WNK3: variants seen among roughly 807,000 people sequenced by gnomAD.
The protein encoded by WNK3 is serine/threonine-protein kinase WNK3.
A neutral mutation model predicts 116.7 loss-of-function variants in WNK3; 18 were observed. That is an observed-to-expected ratio of 0.15 (90% CI 0.11 to 0.23). The LOEUF is 0.23. Among genes scored for constraint, WNK3 ranks in the 10% least tolerant of loss-of-function variants. WNK3 has a pLI of 1.00. For synonymous variants in WNK3, 404 were observed against 469.4 expected (o/e 0.86, Z 1.80); for missense variants, 993 against 1,323.8 (o/e 0.75, Z 3.88).
chrX:54,207,091 T>TAA (rs782714833), intron 22 of WNK3, among the ~76,000 whole-genome samples: 1 of 97,243 alleles, frequency 1.0e-5, no homozygotes, highest in African/African-American at 3.7e-5. Context: ...AAATGCTGCT[T>TAA]AAAAAAAAAA....
intron 5 of WNK3, among the ~76,000 whole-genome samples, chrX:54,304,827 T>C (rs1557168278): frequency 9.0e-6 from 1 of 111,124 alleles, no homozygotes; most frequent in Non-Finnish European, 1.9e-5. Context: ...AGTTTACAAT[T>C]AAATAAATTA....
chrX:54,259,681 C>T (rs2068235942), intron 10 of WNK3, among the ~76,000 whole-genome samples: 1 of 111,399 alleles, frequency 9.0e-6, no homozygotes, highest in Non-Finnish European at 1.9e-5. Flanking sequence ...AGAGGTACTA[C>T]CATTCTACAA....
In WNK3 at chrX:54,304,919, CCGAGGTCAGGAGTTTG is replaced by C. The variant is rs1397542418; in HGVS notation, c.1089+2987_1089+3002del. 2.7e-5 allele frequency among the ~76,000 whole-genome samples: 3 copies of C among 110,848 alleles called. No homozygotes were observed. In the East Asian group the frequency reaches 8.4e-4, roughly 31 times the overall value. ...TGGGAGGCCGAGGTGGGCAGATCAC[CCGAGGTCAGGAGTTTG>C]AGACCAGCCTGGCCAGCATAGCAAA... On this transcript the variant is annotated intron_variant, in intron 5 of 23. Transcript: ENST00000354646.
intron 10 of WNK3, among the ~76,000 whole-genome samples, chrX:54,290,051 A>G (rs1280281732): frequency 3.6e-5 from 4 of 111,841 alleles, no homozygotes; most frequent in African/African-American, 1.3e-4. Context: ...AAGGCGGGGC[A>G]GATCACTTGA....
intron 2 of WNK3, among the ~76,000 whole-genome samples, chrX:54,332,738 A>G (rs1169127064): frequency 7.3e-5 from 8 of 109,103 alleles, no homozygotes; most frequent in Non-Finnish European, 1.5e-4. Context: ...AAACCAAAAA[A>G]TTAGCGGGGC....
chrX:54,257,349 C>T (rs1184564179), intron 11 of WNK3, among the ~76,000 whole-genome samples: 1 of 111,089 alleles, frequency 9.0e-6, no homozygotes, highest in Admixed American at 9.6e-5. Context: ...CCTCTTGGCC[C>T]AGCAGTGGGG....
At chrX:54,273,653 T>C (rs189919185) in intron 10 of WNK3, among the ~76,000 whole-genome samples, 28 of 111,824 alleles carry the variant, frequency 2.5e-4, no homozygotes, top group African/African-American at 8.4e-4. Context: ...CAGAAACCAA[T>C]AGATCACATC....
intron 22 of WNK3, among the ~76,000 whole-genome samples, chrX:54,207,509 CTTT>C (rs782017192): frequency 1.2e-5 from 1 of 84,305 alleles, no homozygotes. Flanking sequence ...GCCCATTTAT[CTTT>C]TTTTTTTTTT....
chrX:54,333,902 C>CT (rs2069202230), intron 1 of WNK3, 110 bp from the exon 2 acceptor site: 5 of 405,960 alleles, frequency 1.2e-5, no homozygotes, highest in Non-Finnish European at 2.1e-5. Context: ...GAAGTTTATT[C>CT]TTTTTTCTGT....
chrX:54,314,541 G>A (rs2068928576), intron 2 of WNK3, among the ~76,000 whole-genome samples: 2 of 111,275 alleles, frequency 1.8e-5, no homozygotes, highest in South Asian at 7.6e-4. Flanking sequence ...GGTCAAGGTG[G>A]GTGCATTGCT....
At chrX:54,228,168 C>T (rs2067863434) in intron 22 of WNK3, among the ~76,000 whole-genome samples, 1 of 111,392 alleles carries the variant, frequency 9.0e-6, no homozygotes, top group South Asian at 3.8e-4. Context: ...TCTATAGAGA[C>T]AAAAAATACT....
At chrX:54,219,546 C>T (rs1005453091) in intron 22 of WNK3, among the ~76,000 whole-genome samples, 5 of 107,335 alleles carry the variant, frequency 4.7e-5, no homozygotes, top group African/African-American at 1.4e-4. Context: ...GGCCTAGTGG[C>T]GGGCACCTGT....
intron 10 of WNK3, among the ~76,000 whole-genome samples, chrX:54,275,412 C>CGTGTGTGTGTGTGTGT (rs1569537519): frequency 2.3e-5 from 1 of 44,435 alleles, no homozygotes; most frequent in African/African-American, 9.1e-5. Context: ...GGTATAAGTT[C>CGTGTGTGTGTGTGTGT]ATATGTGTGT....
At chrX:54,216,909 C>T (rs782561839) in intron 22 of WNK3, among the ~76,000 whole-genome samples, 1 of 112,482 alleles carries the variant, frequency 8.9e-6, no homozygotes, top group African/African-American at 3.2e-5. Flanking sequence ...GGTGTATTGG[C>T]TCATGCCTGT....
chrX:54,345,002 C>A (rs1303766048), intron 1 of WNK3, among the ~76,000 whole-genome samples: 2 of 108,732 alleles, frequency 1.8e-5, no homozygotes, highest in Non-Finnish European at 3.8e-5. Flanking sequence ...GTAATCCCAG[C>A]ACTCTGGGAG....
At chrX:54,255,880 G>C (rs1557155418) in exon 12 of WNK3, 2 of 1,196,995 alleles carry the variant, frequency 1.7e-6, no homozygotes, top group Non-Finnish European at 2.3e-6. Flanking sequence ...GCCACATCTT[G>C]ATTCAAGCTA....
chrX:54,238,466 G>T (rs782127828), exon 19 of WNK3: 1 of 1,200,566 alleles, frequency 8.3e-7, no homozygotes, highest in African/African-American at 1.8e-5. Flanking sequence ...CATCTCTTCT[G>T]TTTCCACTGC....
intron 1 of WNK3, among the ~76,000 whole-genome samples, chrX:54,353,664 T>C (rs2069550366): frequency 9.3e-6 from 1 of 107,490 alleles, no homozygotes; most frequent in African/African-American, 3.4e-5. Context: ...GGAGAATCAT[T>C]TGAACTCAGG....
intron 17 of WNK3, among the ~76,000 whole-genome samples, chrX:54,243,353 G>A (rs1263093162): frequency 1.4e-4 from 15 of 103,876 alleles, no homozygotes; most frequent in Non-Finnish European, 2.8e-4. Context: ...CCCGGGAGGC[G>A]GAGCTTGCAG....
Sources: allele counts gnomAD v4.1 joint callset (sites outside exome capture counted in the v4.1 genomes callset), GRCh38; gene constraint gnomAD v4.1.1; transcripts MANE v1.5; gene names NCBI Gene and HGNC (gene_info 2026-07-23, HGNC 2026-07-21).